PKHD1: variants seen among roughly 807,000 people sequenced by gnomAD.
PKHD1 encodes the protein PKHD1 ciliary IPT domain containing fibrocystin/polyductin.
A neutral mutation model predicts 412.0 loss-of-function variants in PKHD1; 291 were observed. The ratio of observed to expected loss-of-function variants is 0.71; its 90% CI spans 0.64 to 0.78. The LOEUF is 0.78. PKHD1 is among the 30% of genes least tolerant of loss of function. The pLI, the probability that PKHD1 is intolerant of heterozygous loss-of-function variation, is 0.00. For missense variants in PKHD1, 4,825 were observed against 4,950.7 expected (o/e 0.97, Z 0.76); for synonymous variants, 1,777 against 1,821.5 (o/e 0.98, Z 0.62).
Position 51,649,101 on chromosome 6 carries a change from A to T in PKHD1, c.11294T>A (p.Val3765Glu), listed in dbSNP as rs1325479058. ...GNELPVQPQL[V>E]FLDEQNRRVE... ...AAAAGTTACCTGCTCATCCAAAAAT[A>T]CCAATTGTGGCTGCACTGGAAGCTC... The change falls in exon 62 of 67, where the codon GTA becomes GAA. Residue 3765 changes from valine (V) to glutamate (E), a missense_variant. Coordinates refer to ENST00000371117, the MANE Select transcript of PKHD1 (RefSeq NM_138694.4). 6.2e-7 allele frequency: 1 copy of T among 1,613,840 alleles called. No individual in the cohort carries two copies. Among genetic ancestry groups the T allele is most frequent in the Middle Eastern group, 1.7e-4 (1 of 6,058 alleles).
intron 52 of PKHD1, among the ~76,000 whole-genome samples, chr6:51,804,583 C>T (rs1763478849): frequency 7.7e-6 from 1 of 129,606 alleles, no homozygotes; most frequent in South Asian, 2.8e-4. Context: ...GGAAATAAGA[C>T]ATTAATACAC....
Position 51,818,340 on chromosome 6 carries a change from C to T in PKHD1, c.8302+12521G>A, listed in dbSNP as rs74995481. ...TACTTTTTCCATAAAATATATTTTG[C>T]AACGGTGTCATCTGTGTATATCACC... On this transcript the variant is annotated intron_variant, in intron 52 of 66. Transcript: ENST00000371117. Among the ~76,000 whole-genome samples, 487 of 152,274 alleles carry T rather than the reference C, an allele frequency of 3.2e-3. 1 individual carries two copies. The highest frequency in any genetic ancestry group is 0.01 in the Middle Eastern group (3 of 294).
intron 60 of PKHD1, among the ~76,000 whole-genome samples, chr6:51,725,538 G>A (rs1316386591): frequency 3.3e-5 from 5 of 152,130 alleles, no homozygotes; most frequent in African/African-American, 1.2e-4. Context: ...CAGAAGTATG[G>A]GAGCAAGAAA....
chr6:51,823,001 G>C (rs560496926), intron 52 of PKHD1, among the ~76,000 whole-genome samples: 2 of 152,090 alleles, frequency 1.3e-5, no homozygotes, highest in Admixed American at 6.5e-5. Context: ...GAAATCCTGG[G>C]GAAAGTAATG....
intron 60 of PKHD1, among the ~76,000 whole-genome samples, chr6:51,673,942 G>A (rs930884157): frequency 1.1e-4 from 17 of 152,170 alleles, no homozygotes; most frequent in African/African-American, 4.1e-4. Context: ...AACTTTTGGA[G>A]GAACGGAGTA....
chr6:51,828,395 G>A (rs1468204499), intron 52 of PKHD1, among the ~76,000 whole-genome samples: 1 of 152,006 alleles, frequency 6.6e-6, no homozygotes, highest in African/African-American at 2.4e-5. Flanking sequence ...AAAAATCCTT[G>A]TAAAATACTT....
chr6:51,639,108 G>A, intron 63 of PKHD1, 152 bp from the exon 64 acceptor site: 1 of 703,288 alleles, frequency 1.4e-6, no homozygotes, highest in East Asian at 2.7e-5. Context: ...TCTTAGTCAA[G>A]ACTTAGAACC....
chr6:51,758,595 T>G (rs963561748), intron 55 of PKHD1, among the ~76,000 whole-genome samples: 1 of 152,114 alleles, frequency 6.6e-6, no homozygotes, highest in Non-Finnish European at 1.5e-5. Flanking sequence ...AAAACATACC[T>G]CAAATAATAA....
chr6:51,883,782 C>T (rs999174429), intron 45 of PKHD1, among the ~76,000 whole-genome samples: 1 of 151,962 alleles, frequency 6.6e-6, no homozygotes, highest in Non-Finnish European at 1.5e-5. Context: ...TAAGCCTGTC[C>T]CCGAAAAAGC....
chr6:51,664,875 G>C (rs1489852712), intron 60 of PKHD1, among the ~76,000 whole-genome samples: 1 of 151,988 alleles, frequency 6.6e-6, no homozygotes, highest in Non-Finnish European at 1.5e-5. Context: ...TCTCATATCT[G>C]GTTGGAGATT....
rs2128212413 is a variant in PKHD1 at position 52,058,469 on chromosome 6, C to T, written c.1366G>A (p.Ala456Thr). The T allele has an allele frequency of 4.3e-6, 7 of 1,614,188 alleles. No homozygotes were observed. Among genetic ancestry groups the T allele is most frequent in the Non-Finnish European group, 5.9e-6 (7 of 1,180,020 alleles). ...CTTGGGGCTATCCCATGATGCTCTG[C>T]TTCCAGGTAGTACATGGCTCCACCC... ...LLGGAMYYLEAEHHGIAPSRG... is the reference protein window; with the variant it reads ...LLGGAMYYLETEHHGIAPSRG... The change falls in exon 16 of 67, where the codon GCA becomes ACA. Residue 456 changes from alanine to threonine, a missense_variant. Ala to Thr is a moderately conservative substitution (Grantham distance 58). Transcript: ENST00000371117.
At position 51,617,158 on chromosome 6, in the gene PKHD1, A is replaced by C. The variant is rs1349734593; in HGVS notation, c.*1923T>G. ...GCAGGTAAACTGAGGCAGGGCAAGG[A>C]CTAAGACTGCTACCATTTTATAAAC... On this transcript the variant is annotated 3_prime_UTR_variant, in exon 67 of 67. Coordinates refer to ENST00000371117, the MANE Select transcript of PKHD1 (RefSeq NM_138694.4). 6.5e-6 allele frequency: 1 copy of C among 153,338 alleles called. No individual in the cohort carries two copies. The highest frequency in any genetic ancestry group is 2.4e-5 in the African/African-American group (1 of 41,512). 9.5% of individuals were successfully genotyped at this position (153,338 alleles called of 1,614,324 possible).
intron 8 of PKHD1, among the ~76,000 whole-genome samples, chr6:52,071,392 G>A (rs1412532251): frequency 6.6e-6 from 1 of 151,798 alleles, no homozygotes; most frequent in Non-Finnish European, 1.5e-5. Context: ...CTGTTATCAA[G>A]TATGAACCCC....
At chr6:52,022,174 C>A (rs536157576) in intron 33 of PKHD1, among the ~76,000 whole-genome samples, 1 of 152,194 alleles carries the variant, frequency 6.6e-6, no homozygotes, top group Non-Finnish European at 1.5e-5. Flanking sequence ...TCTTTCCCCA[C>A]AAAGACACGG....
Position 51,836,322 on chromosome 6 carries a change from A to G in PKHD1, c.8173+82T>C, listed in dbSNP as rs1184857314. ...GACTGATACCTGCCTGTTTATTAAC[A>G]GTATGACAAGGTGGAATTTGTAGAA... On this transcript the variant is annotated intron_variant, in intron 51 of 66. Transcript: ENST00000371117. The G allele has an allele frequency of 6.6e-6, 6 of 911,046 alleles. No homozygotes were observed. The Admixed American group carries it at 8.5e-5, about 13-fold the overall frequency. The allele number at this position is 911,046 out of a possible 1,614,324, so 56.4% of individuals were successfully genotyped here.
chr6:52,083,814 C>T (rs1812378251), intron 2 of PKHD1, among the ~76,000 whole-genome samples: 1 of 152,004 alleles, frequency 6.6e-6, no homozygotes, highest in Non-Finnish European at 1.5e-5. Flanking sequence ...GAAGCTGTTC[C>T]TATTTCAATT....
chr6:51,848,731 G>T (rs1771654862), intron 49 of PKHD1, among the ~76,000 whole-genome samples: 1 of 152,130 alleles, frequency 6.6e-6, no homozygotes, highest in Non-Finnish European at 1.5e-5. Flanking sequence ...AATTCCTCAT[G>T]ACCATGGCAG....
At chr6:51,979,285 A>G (rs1396424967) in intron 35 of PKHD1, among the ~76,000 whole-genome samples, 1 of 152,126 alleles carries the variant, frequency 6.6e-6, no homozygotes, top group African/African-American at 2.4e-5. Context: ...GATCTTCTTG[A>G]CTGTAGGCTC....
intron 15 of PKHD1, 95 bp from the exon 16 acceptor site, chr6:52,058,696 G>A (rs543499103): frequency 4.2e-4 from 538 of 1,283,444 alleles, no homozygotes; most frequent in Non-Finnish European, 5.6e-4. Context: ...TATCAAGAGA[G>A]TTTTGAACTG....
Sources: gnomAD v4.1 joint callset for allele counts (sites outside exome capture counted in the v4.1 genomes callset) on GRCh38, gnomAD v4.1.1 for gene constraint, MANE v1.5 for transcripts, NCBI Gene and HGNC (gene_info 2026-07-23, HGNC 2026-07-21) for gene names.